The following CREB5 variants were observed in gnomAD, a reference collection of about 807,000 sequenced individuals.
CREB5 encodes cAMP responsive element binding protein 5.
In CREB5, 19 loss-of-function variants were observed where a neutral mutation model predicts 57.1. That is an observed-to-expected ratio of 0.33 (90% CI 0.23 to 0.49). The LOEUF (loss-of-function observed/expected upper bound fraction) is 0.49, where lower values mean the gene tolerates loss of function less well. Among genes scored for constraint, CREB5 ranks in the 20% least tolerant of loss-of-function variants. The pLI is 0.99. For missense variants in CREB5, 579 were observed against 671.6 expected (o/e 0.86, Z 1.52); for synonymous variants, 238 against 238.3 (o/e 1.00, Z 0.01).
chr7:28,331,592 T>C (rs539263440), intron 1 of CREB5, among the ~76,000 whole-genome samples: 1 of 152,018 alleles, frequency 6.6e-6, no homozygotes, highest in Non-Finnish European at 1.5e-5. Flanking sequence ...TTGCACATGC[T>C]TTTAGAAAGA....
chr7:28,579,974 T>C (rs979767646), intron 5 of CREB5, among the ~76,000 whole-genome samples: 7 of 152,084 alleles, frequency 4.6e-5, no homozygotes, highest in African/African-American at 1.2e-4. Flanking sequence ...TTTAAAGAGA[T>C]AAGCAGTAAG....
At chr7:28,482,868 G>T (rs1033929550) in intron 1 of CREB5, among the ~76,000 whole-genome samples, 6 of 152,182 alleles carry the variant, frequency 3.9e-5, no homozygotes, top group African/African-American at 1.4e-4. Flanking sequence ...TACATGCCAG[G>T]CTTTCAGATT....
At chr7:28,636,541 C>A (rs559938373) in intron 5 of CREB5, among the ~76,000 whole-genome samples, 3 of 152,234 alleles carry the variant, frequency 2.0e-5, no homozygotes, top group East Asian at 1.9e-4. Context: ...TTATATAATT[C>A]TTTGTTTAAT....
chr7:28,522,132 C>T (rs1793231171), intron 4 of CREB5, among the ~76,000 whole-genome samples: 1 of 152,102 alleles, frequency 6.6e-6, no homozygotes, highest in African/African-American at 2.4e-5. Flanking sequence ...GAAGTTAAAG[C>T]TTAAGAGTTT....
chr7:28,566,827 A>G (rs61050912), intron 4 of CREB5, among the ~76,000 whole-genome samples: 3,964 of 152,290 alleles, frequency 0.026, 161 homozygotes, highest in African/African-American at 0.089. Context: ...GAGTTAGAAT[A>G]TGTCTTTCAG....
At chr7:28,721,955 AT>A (rs959108528) in intron 6 of CREB5, among the ~76,000 whole-genome samples, 3 of 152,236 alleles carry the variant, frequency 2.0e-5, no homozygotes, top group African/African-American at 7.2e-5. Flanking sequence ...GTTGCCCAGT[AT>A]TCAGCAAAGC....
intron 1 of CREB5, among the ~76,000 whole-genome samples, chr7:28,302,714 A>G (rs763596036): frequency 6.6e-6 from 1 of 152,050 alleles, no homozygotes; most frequent in Non-Finnish European, 1.5e-5. Flanking sequence ...TTCCATGGAG[A>G]GCCAGCCCTC....
At chr7:28,782,296 A>G (rs185687228) in intron 7 of CREB5, among the ~76,000 whole-genome samples, 7 of 152,272 alleles carry the variant, frequency 4.6e-5, no homozygotes, top group East Asian at 3.9e-4. Context: ...TAATTATTAT[A>G]TTGGCCTTGC....
intron 1 of CREB5, among the ~76,000 whole-genome samples, chr7:28,337,735 TTTG>T (rs1159594123): frequency 6.6e-6 from 1 of 152,120 alleles, no homozygotes; most frequent in Non-Finnish European, 1.5e-5. Flanking sequence ...TTCCTGCCAT[TTTG>T]TTATTTGTTT....
intron 5 of CREB5, among the ~76,000 whole-genome samples, chr7:28,690,182 C>T (rs1346080409): frequency 6.6e-6 from 1 of 152,132 alleles, no homozygotes; most frequent in African/African-American, 2.4e-5. Context: ...TTGGACATGG[C>T]CTGTCCATGG....
intron 5 of CREB5, among the ~76,000 whole-genome samples, chr7:28,689,563 A>G (rs1004612977): frequency 6.6e-6 from 1 of 152,182 alleles, no homozygotes; most frequent in African/African-American, 2.4e-5. Flanking sequence ...GTACATTACT[A>G]CAATCAAAAT....
chr7:28,690,033 T>C (rs1801170466), intron 5 of CREB5, among the ~76,000 whole-genome samples: 1 of 152,206 alleles, frequency 6.6e-6, no homozygotes, highest in South Asian at 2.1e-4. Flanking sequence ...ACTCTAGGTC[T>C]AGCTCACCAT....
At chr7:28,358,195 A>C (rs1786384206) in intron 1 of CREB5, among the ~76,000 whole-genome samples, 1 of 152,200 alleles carries the variant, frequency 6.6e-6, no homozygotes, top group Non-Finnish European at 1.5e-5. Flanking sequence ...GGGGGCTTAA[A>C]TATGCTCCGC....
At chr7:28,334,658 C>G (rs532616604) in intron 1 of CREB5, among the ~76,000 whole-genome samples, 1 of 152,234 alleles carries the variant, frequency 6.6e-6, no homozygotes, top group South Asian at 2.1e-4. Context: ...TGTCTCTTCA[C>G]TTTGTTGATT....
chr7:28,395,551 T>G (rs1787318091), intron 1 of CREB5, among the ~76,000 whole-genome samples: 1 of 152,236 alleles, frequency 6.6e-6, no homozygotes, highest in Admixed American at 6.5e-5. Flanking sequence ...TTTTTCCAAC[T>G]GGCTTCCTTG....
chr7:28,322,943 G>A (rs116473877), intron 1 of CREB5, among the ~76,000 whole-genome samples: 2,195 of 152,060 alleles, frequency 0.014, 48 homozygotes, highest in African/African-American at 0.05. Context: ...CCACTCCTAA[G>A]ACCATATTCT....
At chr7:28,801,005 T>G (rs1438048185) in intron 7 of CREB5, among the ~76,000 whole-genome samples, 1 of 152,198 alleles carries the variant, frequency 6.6e-6, no homozygotes, top group Non-Finnish European at 1.5e-5. Flanking sequence ...TTAGGTAGCT[T>G]GATACTTGTA....
chr7:28,403,104 G>A (rs1354032420), intron 1 of CREB5, among the ~76,000 whole-genome samples: 1 of 152,134 alleles, frequency 6.6e-6, no homozygotes, highest in Non-Finnish European at 1.5e-5. Context: ...AGACTGGAAG[G>A]GTAAAGTGTG....
intron 5 of CREB5, among the ~76,000 whole-genome samples, chr7:28,599,220 G>GAT (rs1432561455): frequency 4.0e-5 from 6 of 151,718 alleles, no homozygotes; most frequent in East Asian, 1.9e-4. Context: ...ATATATACAG[G>GAT]ATATATATAT....
Sources: allele counts gnomAD v4.1 joint callset (sites outside exome capture counted in the v4.1 genomes callset), GRCh38; gene constraint gnomAD v4.1.1; transcripts MANE v1.5; gene names NCBI Gene and HGNC (gene_info 2026-07-23, HGNC 2026-07-21).